NFXL1: variants seen among roughly 807,000 people sequenced by gnomAD.
The protein encoded by NFXL1 is NF-X1-type zinc finger protein NFXL1.
A neutral mutation model predicts 123.3 loss-of-function variants in NFXL1; 66 were observed. That is an observed-to-expected ratio of 0.54 (90% CI 0.44 to 0.66). NFXL1 has a LOEUF of 0.66. Ranked by LOEUF, NFXL1 falls within the 30% of genes least tolerant of loss-of-function variation. NFXL1 has a pLI of 0.00. For synonymous variants in NFXL1, 346 were observed against 360.8 expected (o/e 0.96, Z 0.46); for missense variants, 944 against 1,125.6 (o/e 0.84, Z 2.31).
chr4:47,880,978 A>T, intron 15 of NFXL1, among the ~76,000 whole-genome samples: 1 of 152,006 alleles, frequency 6.6e-6, no homozygotes, highest in East Asian at 1.9e-4. Flanking sequence ...GATAAGAGAG[A>T]TTTGTTAAAA....
At chr4:47,862,727 G>A in intron 19 of NFXL1, 119 bp downstream of exon 19, 3 of 723,916 alleles carry the variant, frequency 4.1e-6, no homozygotes, top group Non-Finnish European at 7.3e-6. Flanking sequence ...TGTCTTACGT[G>A]TTTATTTAAA....
intron 17 of NFXL1, 49 bp downstream of exon 17, chr4:47,878,476 C>T (rs761738598): frequency 1.4e-5 from 19 of 1,363,576 alleles, no homozygotes; most frequent in East Asian, 2.6e-5. Flanking sequence ...GTTGAAAAAA[C>T]GTTTCAAGAA....
At chr4:47,881,735 C>T (rs1736126128) in intron 15 of NFXL1, among the ~76,000 whole-genome samples, 2 of 152,208 alleles carry the variant, frequency 1.3e-5, no homozygotes, top group Middle Eastern at 3.4e-3. Flanking sequence ...TGAGAAGACA[C>T]AGAGGAACCA....
chr4:47,873,181 T>C (rs1735554654), intron 18 of NFXL1, among the ~76,000 whole-genome samples: 1 of 152,226 alleles, frequency 6.6e-6, no homozygotes, highest in Non-Finnish European at 1.5e-5. Flanking sequence ...TATAGTCCTC[T>C]TGCTATTTCC....
chr4:47,874,167 T>C (rs1042442581), intron 18 of NFXL1, among the ~76,000 whole-genome samples: 1 of 152,242 alleles, frequency 6.6e-6, no homozygotes, highest in Admixed American at 6.5e-5. Flanking sequence ...CTGCTTTGCT[T>C]TCTTATCATT....
chr4:47,903,201 G>A lies in NFXL1; in HGVS notation c.639C>T (p.Pro213=). The A allele has an allele frequency of 6.3e-7, 1 of 1,583,366 alleles. No homozygotes were observed. Among genetic ancestry groups the A allele is most frequent in the Non-Finnish European group, 8.6e-7 (1 of 1,167,948 alleles). ...TAATTAGAAAAAGTTACCAAGGCCA[G>A]GGACAATCTTTCTTTCCAAAATCAT... is the stretch of plus-strand genomic sequence containing the variant. ...TDDDFGKKDC[P]WPCPKCRFEY... is the part of the protein sequence containing the mutation. The change falls in exon 5 of 23, where the codon CCC becomes CCT. Residue 213 remains proline (P), a synonymous_variant. Coordinates refer to ENST00000507489, the MANE Select transcript of NFXL1 (RefSeq NM_001278624.2).
At chr4:47,899,683 GA>G in intron 5 of NFXL1, 135 bp from the exon 6 acceptor site, 1 of 604,032 alleles carries the variant, frequency 1.7e-6, no homozygotes, top group Non-Finnish European at 2.9e-6. Context: ...TTGTGTTAGT[GA>G]AAAAACAAGA....
rs753298873 is a variant in NFXL1 at position 47,878,510 on chromosome 4, A to G, written c.2079+15T>C. 3 of 1,539,782 alleles carry G rather than the reference A, an allele frequency of 1.9e-6. No individual in the cohort carries two copies. The South Asian group carries it at 3.8e-5, about 19-fold the overall frequency. ...AATACTATGGGCAGATATACATTCA[A>G]TCTAAGAACATTACCTTGTTTTTTC... is the stretch of plus-strand genomic sequence containing the variant. On this transcript the variant is annotated intron_variant, in intron 17 of 22. Transcript: ENST00000507489.
At chr4:47,912,445 TCTTTTTCTTTTCTTTC>T (rs1395000391) in intron 2 of NFXL1, among the ~76,000 whole-genome samples, 1 of 143,698 alleles carries the variant, frequency 7.0e-6, no homozygotes, top group African/African-American at 2.6e-5. Context: ...ATGCTTGTTT[TCTTTTTCTTTTCTTTC>T]TTTTTTTTTT....
intron 3 of NFXL1, among the ~76,000 whole-genome samples, chr4:47,910,577 A>G (rs970364312): frequency 2.0e-5 from 3 of 152,208 alleles, no homozygotes; most frequent in African/African-American, 7.2e-5. Context: ...CTGAAATGCC[A>G]ATTAAATACA....
At chr4:47,849,313 G>A (rs2110019364) in intron 22 of NFXL1, among the ~76,000 whole-genome samples, 1 of 151,990 alleles carries the variant, frequency 6.6e-6, no homozygotes, top group South Asian at 2.1e-4. Flanking sequence ...TATCAAATGG[G>A]GATTTTTATC....
At position 47,903,195 on chromosome 4, in the gene NFXL1, A is replaced by T. The variant is rs752804422; in HGVS notation, c.645T>A (p.Pro215=). ...TCCAACTAATTAGAAAAAGTTACCA[A>T]GGCCAGGGACAATCTTTCTTTCCAA... ...DDFGKKDCPW[P]CPKCRFEYKR... Residue 215 remains proline (P), a splice_region_variant and synonymous_variant, in exon 5 of 23, where the codon CCT becomes CCA. Coordinates refer to ENST00000507489, the MANE Select transcript of NFXL1 (RefSeq NM_001278624.2). The T allele has an allele frequency of 6.4e-7, 1 of 1,566,614 alleles. No individual in the cohort carries two copies. The highest frequency in any genetic ancestry group is 1.2e-5 in the South Asian group (1 of 83,774).
intron 19 of NFXL1, among the ~76,000 whole-genome samples, chr4:47,859,669 C>T (rs555498208): frequency 1.3e-4 from 19 of 151,822 alleles, no homozygotes; most frequent in African/African-American, 4.3e-4. Flanking sequence ...GGTGAAACCC[C>T]GTTTCTACTA....
In NFXL1 at chr4:47,885,896, C is replaced by T. The variant is rs896891269; in HGVS notation, c.1647G>A (p.Lys549=). Reference sequence around the variant, plus strand: ...AAACTCACCTGCATTGCTCCTTGCACTTGGGTGGTCTTGTGGTACGTTCTC... The same window carrying T: ...AAACTCACCTGCATTGCTCCTTGCATTTGGGTGGTCTTGTGGTACGTTCTC... ...CGRERTTRPP[K]CKEQCSRPPT... Residue 549 remains lysine, a synonymous_variant, in exon 13 of 23, where the codon AAG becomes AAA. Transcript: ENST00000507489. The T allele has an allele frequency of 3.7e-6, 6 of 1,613,826 alleles. No individual in the cohort carries two copies. Among genetic ancestry groups the T allele is most frequent in the Middle Eastern group, 1.6e-4 (1 of 6,080 alleles).
chr4:47,877,013 TA>T, intron 17 of NFXL1: 1 of 1,209,774 alleles, frequency 8.3e-7, no homozygotes, highest in Non-Finnish European at 1.1e-6. Context: ...AAAGTTCACC[TA>T]AAGAGTTTAT....
intron 5 of NFXL1, among the ~76,000 whole-genome samples, chr4:47,900,190 G>A (rs1162390689): frequency 6.6e-6 from 1 of 151,794 alleles, no homozygotes; most frequent in African/African-American, 2.4e-5. Flanking sequence ...TCAACATCTA[G>A]CACAAAAAGA....
intron 18 of NFXL1, among the ~76,000 whole-genome samples, chr4:47,868,211 C>T (rs1964425): frequency 0.016 from 2,361 of 151,460 alleles, 66 homozygotes; most frequent in African/African-American, 0.054. Context: ...CCCAGCTACG[C>T]GGGAGGCTTA....
intron 5 of NFXL1, 67 bp from the exon 6 acceptor site, chr4:47,899,615 T>C (rs1737275988): frequency 3.1e-6 from 3 of 960,122 alleles, no homozygotes; most frequent in African/African-American, 1.6e-5. Context: ...GACAGAAATA[T>C]ACTTAACAGA....
chr4:47,861,018 AT>A (rs34491160), intron 19 of NFXL1, among the ~76,000 whole-genome samples: 34 of 145,040 alleles, frequency 2.3e-4, no homozygotes, highest in African/African-American at 3.8e-4. Context: ...ACGTCAGGCT[AT>A]TTTTTTTTTT....
Sources: gnomAD v4.1 joint callset for allele counts (sites outside exome capture counted in the v4.1 genomes callset) on GRCh38, gnomAD v4.1.1 for gene constraint, MANE v1.5 for transcripts, NCBI Gene and HGNC (gene_info 2026-07-23, HGNC 2026-07-21) for gene names.